The following FOXP2 variants were observed in gnomAD, a reference collection of about 807,000 sequenced individuals.
FOXP2 encodes the protein forkhead box P2.
FOXP2 carries 12 observed loss-of-function variants against 115.8 expected under a neutral mutation model. The observed-to-expected ratio is 0.10, with a 90% confidence interval of 0.07 to 0.17. The LOEUF is 0.17. Among genes scored for constraint, FOXP2 ranks in the 10% least tolerant of loss-of-function variants. FOXP2 has a pLI of 1.00. For synonymous variants in FOXP2, 328 were observed against 297.7 expected, an observed-to-expected ratio of 1.10 and a Z score of -1.05; for missense variants, 629 against 843.5, an observed-to-expected ratio of 0.75 and a Z score of 3.15.
intron 1 of FOXP2, among the ~76,000 whole-genome samples, chr7:114,274,270 T>C (rs1252854449): frequency 6.6e-6 from 1 of 152,156 alleles, no homozygotes; most frequent in African/African-American, 2.4e-5. Flanking sequence ...TAAGCATGCA[T>C]AAGCATATAT....
intron 1 of FOXP2, among the ~76,000 whole-genome samples, chr7:114,125,907 G>A (rs918339877): frequency 6.6e-6 from 1 of 152,118 alleles, no homozygotes; most frequent in Non-Finnish European, 1.5e-5. Context: ...AAGACATTCA[G>A]TTCTAATAAG....
intron 3 of FOXP2, among the ~76,000 whole-genome samples, chr7:114,566,013 T>A (rs1365487532): frequency 6.6e-6 from 1 of 152,240 alleles, no homozygotes; most frequent in East Asian, 1.9e-4. Context: ...AAGGATGAAG[T>A]TGTATGAATT....
intron 2 of FOXP2, among the ~76,000 whole-genome samples, chr7:114,403,696 G>A (rs1461298934): frequency 6.6e-6 from 1 of 152,052 alleles, no homozygotes; most frequent in East Asian, 1.9e-4. Flanking sequence ...ATGGCCTAAA[G>A]GTAGCACAGA....
At chr7:114,671,818 C>T (rs1335071115) in intron 16 of FOXP2, among the ~76,000 whole-genome samples, 1 of 152,120 alleles carries the variant, frequency 6.6e-6, no homozygotes, top group Non-Finnish European at 1.5e-5. Context: ...ACTGTTATTT[C>T]AGAATATTCC....
At chr7:114,659,962 G>T (rs552674069) in intron 13 of FOXP2, among the ~76,000 whole-genome samples, 1 of 152,074 alleles carries the variant, frequency 6.6e-6, no homozygotes, top group Non-Finnish European at 1.5e-5. Context: ...TTTGTTAGTC[G>T]CACGATATTA....
intron 1 of FOXP2, among the ~76,000 whole-genome samples, chr7:114,213,569 A>G (rs1021250875): frequency 6.6e-6 from 1 of 152,174 alleles, no homozygotes; most frequent in Non-Finnish European, 1.5e-5. Flanking sequence ...TCACAGCTTC[A>G]TATCTTATAT....
At position 114,151,401 on chromosome 7, in the gene FOXP2, A is replaced by T. The variant is rs1792524369; in HGVS notation, c.-246-11543A>T. 2.0e-5 allele frequency among the ~76,000 whole-genome samples: 3 copies of T among 152,186 alleles called. No homozygotes were observed. The South Asian group carries it at 6.2e-4, about 32-fold the overall frequency. On this transcript the variant is annotated intron_variant, in intron 1 of 19. Coordinates refer to the FOXP2 transcript ENST00000635638. Reference sequence around the variant, plus strand: ...GATTTTCGTAAAAATAAAAATGACTATTTTTGTGAAACTTCTATTTAAGAA... The same window carrying T: ...GATTTTCGTAAAAATAAAAATGACTTTTTTTGTGAAACTTCTATTTAAGAA...
At chr7:114,130,230 G>A (rs1227037563) in intron 1 of FOXP2, among the ~76,000 whole-genome samples, 3 of 152,204 alleles carry the variant, frequency 2.0e-5, no homozygotes, top group African/African-American at 7.2e-5. Context: ...GACTAAGTTG[G>A]GAGGATGACT....
At chr7:114,511,220 G>C (rs1275541482) in intron 2 of FOXP2, among the ~76,000 whole-genome samples, 1 of 152,106 alleles carries the variant, frequency 6.6e-6, no homozygotes, top group African/African-American at 2.4e-5. Context: ...TGGGGGGCTA[G>C]GGGAGGGATA....
At chr7:114,469,630 A>T (rs1306612214) in intron 2 of FOXP2, among the ~76,000 whole-genome samples, 3 of 152,216 alleles carry the variant, frequency 2.0e-5, no homozygotes, top group African/African-American at 4.8e-5. Flanking sequence ...AATGGTGATT[A>T]AAAAGGAAGC....
At chr7:114,159,683 C>T (rs559759318), upstream of FOXP2, among the ~76,000 whole-genome samples, 3 of 36,564 alleles carry the variant, frequency 8.2e-5, no homozygotes, top group East Asian at 3.2e-4. Context: ...CCAGGACTAA[C>T]GATCACTGGA....
At chr7:114,477,666 A>G (rs181900950) in intron 2 of FOXP2, among the ~76,000 whole-genome samples, 2 of 151,892 alleles carry the variant, frequency 1.3e-5, no homozygotes, top group African/African-American at 4.8e-5. Context: ...TAATCTCTCT[A>G]TATATAAATA....
At chr7:114,331,760 C>T (rs764073004) in intron 2 of FOXP2, among the ~76,000 whole-genome samples, 2 of 151,866 alleles carry the variant, frequency 1.3e-5, no homozygotes, top group Non-Finnish European at 1.5e-5. Context: ...TTCTGCCTCC[C>T]GGGTTCAAGT....
Position 114,540,308 on chromosome 7 carries a change from C to T in FOXP2, c.258+5602C>T, listed in dbSNP as rs144505720. ...TTTATCTTCTCTATTAAACTGTAAG[C>T]GATATGACAGCAGGAATCATGAATT... is the stretch of plus-strand genomic sequence containing the variant. On this transcript the variant is annotated intron_variant, in intron 3 of 16. Transcript: ENST00000350908. Among the ~76,000 whole-genome samples the T allele has an allele frequency of 5.8e-3, 876 of 152,082 alleles. 7 individuals carry two copies. The highest frequency in any genetic ancestry group is 0.02 in the African/African-American group (810 of 41,516).
At chr7:114,456,190 G>A (rs1795306476) in intron 2 of FOXP2, among the ~76,000 whole-genome samples, 1 of 152,134 alleles carries the variant, frequency 6.6e-6, no homozygotes, top group African/African-American at 2.4e-5. Context: ...TAGAATGTGG[G>A]AGGTTTGAGG....
chr7:114,416,543 T>C (rs1793354096), intron 1 of FOXP2: 1 of 151,356 alleles, frequency 6.6e-6, no homozygotes, highest in African/African-American at 2.4e-5. Flanking sequence ...CTCTATTTAA[T>C]GTGTGCTTAG....
chr7:114,327,438 T>C (rs983941783), intron 2 of FOXP2, among the ~76,000 whole-genome samples: 3 of 152,168 alleles, frequency 2.0e-5, no homozygotes, highest in African/African-American at 7.2e-5. Flanking sequence ...AAAAAAGCAC[T>C]ATTAAATATT....
intron 3 of FOXP2, among the ~76,000 whole-genome samples, chr7:114,610,833 C>G (rs372933042): frequency 1.1e-3 from 173 of 152,016 alleles, no homozygotes; most frequent in African/African-American, 3.6e-3. Flanking sequence ...GGGGGTTTCC[C>G]CATATTGCCC....
At chr7:114,290,846 A>G (rs548225075) in intron 2 of FOXP2, among the ~76,000 whole-genome samples, 55 of 152,246 alleles carry the variant, frequency 3.6e-4, no homozygotes, top group African/African-American at 1.3e-3. Flanking sequence ...AATAGAGATA[A>G]CAGTTCGTAT....
Sources: allele counts gnomAD v4.1 joint callset (sites outside exome capture counted in the v4.1 genomes callset), GRCh38; gene constraint gnomAD v4.1.1; transcripts MANE v1.5; gene names NCBI Gene and HGNC (gene_info 2026-07-23, HGNC 2026-07-21).